Variants in CFAP46 observed in about 807,000 individuals in gnomAD.
CFAP46 encodes cilia- and flagella-associated protein 46.
CFAP46 carries 245 observed loss-of-function variants against 325.7 expected under a neutral mutation model. The observed-to-expected ratio is 0.75, with a 90% confidence interval of 0.68 to 0.84. CFAP46 has a LOEUF of 0.84. Among genes scored for constraint, CFAP46 ranks in the 40% least tolerant of loss-of-function variants. CFAP46 has a pLI of 0.00. For missense variants in CFAP46, 3,346 were observed against 3,543.0 expected (o/e 0.94, Z 1.41); for synonymous variants, 1,523 against 1,495.9 (o/e 1.02, Z -0.42).
intron 50 of CFAP46, among the ~76,000 whole-genome samples, chr10:132,824,424 T>C (rs1483908713): frequency 1.6e-5 from 2 of 124,080 alleles, no homozygotes; most frequent in South Asian, 2.8e-4. Flanking sequence ...GCTGTGTGAG[T>C]GCTGATGTGT....
chr10:132,940,044 C>T (rs1271377500), intron 4 of CFAP46, among the ~76,000 whole-genome samples: 1 of 152,196 alleles, frequency 6.6e-6, no homozygotes, highest in East Asian at 1.9e-4. Context: ...ACCCACCACT[C>T]CCGCGTCACA....
chr10:132,851,416 C>A (rs936806090), intron 39 of CFAP46, 111 bp from the exon 40 acceptor site: 15 of 1,005,868 alleles, frequency 1.5e-5, no homozygotes, highest in Middle Eastern at 2.3e-4. Flanking sequence ...TAACAAACTG[C>A]GCAGATCTAC....
chr10:132,847,255 A>C lies in CFAP46; in HGVS notation c.6019T>G (p.Ser2007Ala). Residue 2007 changes from serine (S) to alanine (A), a missense_variant, in exon 42 of 58, where the codon TCC (serine) becomes GCC (alanine). Physicochemically the swap from Ser to Ala is moderately conservative, Grantham distance 99. Transcript: ENST00000368586. The surrounding 1 kb of genome is among the most constrained non-coding windows in gnomAD (Gnocchi z 5.2). Reference sequence around the variant, plus strand: ...CTGGAGGCCGGCGGGTCCCTGCTGGACTTTGTGGCACCCTCTTCCTCTACC... The same window carrying C: ...CTGGAGGCCGGCGGGTCCCTGCTGGCCTTTGTGGCACCCTCTTCCTCTACC... ...LEVEEEGATK[S>A]SRDPPASRAA... is the part of the protein sequence containing the mutation. 1 of 1,613,102 alleles carries C rather than the reference A, an allele frequency of 6.2e-7. No homozygotes were observed. The highest frequency in any genetic ancestry group is 8.5e-7 in the Non-Finnish European group (1 of 1,179,886).
In CFAP46 at chr10:132,847,336, G is replaced by A; in HGVS notation, c.5953-15C>T. 6.2e-7 allele frequency: 1 copy of A among 1,613,148 alleles called. No homozygotes were observed. Among genetic ancestry groups the A allele is most frequent in the Middle Eastern group, 1.7e-4 (1 of 6,060 alleles). ...TTGGCGCCCACCTGTGACACACATT[G>A]CAGGTTGGCAGACACTTCTGGGTTC... On this transcript the variant is annotated splice_polypyrimidine_tract_variant and intron_variant, in intron 41 of 57. Coordinates refer to ENST00000368586, the MANE Select transcript of CFAP46 (RefSeq NM_001200049.3). The surrounding 1 kb of genome is among the most constrained non-coding windows in gnomAD (Gnocchi z 5.2).
chr10:132,912,324 CTCT>C (rs1206756375), intron 19 of CFAP46, among the ~76,000 whole-genome samples: 2 of 138,664 alleles, frequency 1.4e-5, no homozygotes, highest in African/African-American at 2.7e-5. Flanking sequence ...CTCTTCTCCT[CTCT>C]TCTTCTCTCT....
intron 50 of CFAP46, among the ~76,000 whole-genome samples, chr10:132,820,416 C>A (rs1458246960): frequency 1.3e-5 from 2 of 152,340 alleles, no homozygotes; most frequent in East Asian, 3.9e-4. Flanking sequence ...GCTCCGCTGA[C>A]CCGCAGGGCA....
chr10:132,877,336 G>T lies in CFAP46; in HGVS notation c.4213-375C>A, dbSNP rs1848970947. Among the ~76,000 whole-genome samples, 1 of 152,200 alleles carries T rather than the reference G, an allele frequency of 6.6e-6. No homozygotes were observed. The highest frequency in any genetic ancestry group is 2.1e-4 in the South Asian group (1 of 4,832). On this transcript the variant is annotated intron_variant, in intron 30 of 57. Coordinates refer to ENST00000368586, the MANE Select transcript of CFAP46 (RefSeq NM_001200049.3). The surrounding 1 kb of genome is among the most constrained non-coding windows in gnomAD (Gnocchi z 5.7). ...TGAACTCAGCAGTGCTCGTGCCGGG[G>T]TCCAGGTGTGAGCGTCCTGCTCTGG...
rs1304484312 is a variant in CFAP46, at chr10:132,847,413, C to T, written c.5953-92G>A. The T allele has an allele frequency of 6.6e-7, 1 of 1,525,330 alleles. No homozygotes were observed. Among genetic ancestry groups the T allele is most frequent in the Non-Finnish European group, 9.0e-7 (1 of 1,116,294 alleles). The allele number at this position is 1,525,330 out of a possible 1,614,324, so 94.5% of individuals were successfully genotyped here. A position where few individuals can be genotyped will look rare whatever the true frequency, so the allele number is the denominator to read the frequency against. On this transcript the variant is annotated intron_variant, in intron 41 of 57. Transcript: ENST00000368586. This position sits in a 1 kb window ranked among gnomAD's most constrained non-coding sequence, Gnocchi z 5.2. ...ACCCAGGGAGGCCGGGGTGGTCGGG[C>T]TCCTCAGCAGGGTCCCCGGGTAGGG...
intron 22 of CFAP46, among the ~76,000 whole-genome samples, chr10:132,905,692 T>C (rs1849447546): frequency 6.6e-6 from 1 of 152,214 alleles, no homozygotes; most frequent in African/African-American, 2.4e-5. Context: ...TTGGGGCAGT[T>C]CTATTTCCTG....
chr10:132,846,783 G>A (rs185461319), intron 43 of CFAP46, 149 bp downstream of exon 43: 13 of 960,650 alleles, frequency 1.4e-5, no homozygotes, highest in Admixed American at 2.9e-5. Flanking sequence ...ACAAGTTTAC[G>A]TGGCCGGCAG....
chr10:132,884,806 G>A lies in CFAP46; in HGVS notation c.3627+297C>T, dbSNP rs1365072099. Among the ~76,000 whole-genome samples the A allele has an allele frequency of 6.6e-6, 1 of 152,086 alleles. No individual in the cohort carries two copies. The highest frequency in any genetic ancestry group is 1.9e-4 in the East Asian group (1 of 5,164). On this transcript the variant is annotated intron_variant, in intron 27 of 57. Transcript: ENST00000368586. The surrounding 1 kb of genome is among the most constrained non-coding windows in gnomAD (Gnocchi z 5.4). ...GGCCCTGGTGCCACCAGGGGAGCCT[G>A]GGCGCTTCCACTTGGGGCATCACCC...
rs749128027 is a variant in CFAP46, at chr10:132,924,716, G to A, written c.1236C>T (p.Asp412=). Residue 412 remains aspartate, a synonymous_variant, in exon 11 of 58, where the codon GAC becomes GAT. Coordinates refer to ENST00000368586, the MANE Select transcript of CFAP46 (RefSeq NM_001200049.3). ...HLRKPLAGVA[D]VLEKLDSLMT... ...CCCACCTGTCCAGCTTCTCCAGCAC[G>A]TCCGCAACGCCAGCCAGGGGCTTCC... 6.5e-6 allele frequency: 10 copies of A among 1,537,186 alleles called. No homozygotes were observed. Among genetic ancestry groups the A allele is most frequent in the South Asian group, 4.8e-5 (4 of 82,982 alleles).
At position 132,909,156 on chromosome 10, in the gene CFAP46, G is replaced by C. The variant is rs1034404244; in HGVS notation, c.2738C>G (p.Thr913Ser). The C allele has an allele frequency of 6.5e-7, 1 of 1,549,660 alleles. No individual in the cohort carries two copies. The highest frequency in any genetic ancestry group is 8.7e-7 in the Non-Finnish European group (1 of 1,146,736). The change falls in exon 21 of 58, where the codon ACT becomes AGT. Residue 913 changes from threonine (T) to serine (S), a missense_variant. By Grantham distance (58) the Thr-to-Ser change is moderately conservative. Coordinates refer to ENST00000368586, the MANE Select transcript of CFAP46 (RefSeq NM_001200049.3). ...SCNGLGLMDF[T>S]VPSLAQLVKM... ...ACCTACCTGGGCCAGGGAGGGGACAGTGAAGTCCATGAGGCCCAGCCCGTT... is the reference window on the plus strand; with the variant it reads ...ACCTACCTGGGCCAGGGAGGGGACACTGAAGTCCATGAGGCCCAGCCCGTT...
intron 24 of CFAP46, among the ~76,000 whole-genome samples, chr10:132,895,477 G>A (rs976516869): frequency 1.3e-5 from 2 of 152,118 alleles, no homozygotes; most frequent in African/African-American, 4.8e-5. Context: ...GAAAGAACAC[G>A]GTGAGAAGGC....
chr10:132,934,698 A>G, intron 8 of CFAP46, 54 bp downstream of exon 8: 1 of 1,245,532 alleles, frequency 8.0e-7, no homozygotes, highest in Non-Finnish European at 1.2e-6. Context: ...AGTGCCTGCT[A>G]AATTTTGTAC....
chr10:132,919,963 A>G lies in CFAP46; in HGVS notation c.1730+96T>C. ...GCCTGGCGAGTCCCCAGACGGCCAC[A>G]TGCAGGGTCAGCTCAGCCGCCACAG... On this transcript the variant is annotated intron_variant, in intron 14 of 57. Coordinates refer to ENST00000368586, the MANE Select transcript of CFAP46 (RefSeq NM_001200049.3). The surrounding 1 kb of genome is among the most constrained non-coding windows in gnomAD (Gnocchi z 9.7). 1 of 1,397,744 alleles carries G rather than the reference A, an allele frequency of 7.2e-7. No individual in the cohort carries two copies. The highest frequency in any genetic ancestry group is 1.6e-5 in the South Asian group (1 of 63,530). The allele number at this position is 1,397,744 out of a possible 1,614,324, so 86.6% of individuals were successfully genotyped here.
At chr10:132,852,065 T>G (rs878869722) in intron 39 of CFAP46, among the ~76,000 whole-genome samples, 9 of 149,672 alleles carry the variant, frequency 6.0e-5, no homozygotes, top group African/African-American at 2.0e-4. Context: ...TGTTCCTCCA[T>G]TTACTTAAGA....
intron 24 of CFAP46, among the ~76,000 whole-genome samples, chr10:132,893,477 G>A (rs1389360354): frequency 1.3e-5 from 2 of 152,230 alleles, no homozygotes; most frequent in African/African-American, 2.4e-5. Flanking sequence ...ATTTGGTGAG[G>A]TGGGAAGTGC....
chr10:132,864,056 C>CAG (rs1848765512), intron 35 of CFAP46, among the ~76,000 whole-genome samples: 1 of 137,484 alleles, frequency 7.3e-6, no homozygotes, highest in African/African-American at 2.7e-5. Flanking sequence ...ACCTGTCCCC[C>CAG]TGCCTGAGAC....
Sources: gnomAD v4.1 joint callset for allele counts (sites outside exome capture counted in the v4.1 genomes callset) on GRCh38, gnomAD v4.1.1 for gene constraint, Gnocchi (gnomAD v3.1) non-coding constraint, MANE v1.5 for transcripts, NCBI Gene and HGNC (gene_info 2026-07-23, HGNC 2026-07-21) for gene names.